SDK1: variants seen among roughly 807,000 people sequenced by gnomAD.
The protein encoded by SDK1 is protein sidekick-1.
A neutral mutation model predicts 245.5 loss-of-function variants in SDK1; 157 were observed. That is an observed-to-expected ratio of 0.64 (90% confidence interval 0.56 to 0.73). The LOEUF is 0.73. Ranked by LOEUF, SDK1 falls within the 30% of genes least tolerant of loss-of-function variation. The pLI, the probability that SDK1 is intolerant of heterozygous loss-of-function variation, is 0.00. For synonymous variants in SDK1, 1,647 were observed against 1,278.5 expected (o/e 1.29, Z -6.15); for missense variants, 3,583 against 3,002.3 (o/e 1.19, Z -4.52).
chr7:4,066,698 C>T (rs1779924718), intron 19 of SDK1, among the ~76,000 whole-genome samples: 1 of 152,184 alleles, frequency 6.6e-6, no homozygotes, highest in South Asian at 2.1e-4. Context: ...GCTATGGGAA[C>T]ACTAAAAGGC....
intron 17 of SDK1, among the ~76,000 whole-genome samples, chr7:4,039,116 C>T (rs1192395347): frequency 1.2e-4 from 17 of 145,560 alleles, no homozygotes; most frequent in Non-Finnish European, 3.0e-5. Flanking sequence ...AACACATGGA[C>T]ACAGGAAGGG....
intron 5 of SDK1, among the ~76,000 whole-genome samples, chr7:3,872,152 T>A (rs936397235): frequency 6.6e-6 from 1 of 152,224 alleles, no homozygotes; most frequent in Non-Finnish European, 1.5e-5. Flanking sequence ...GGTAATAATA[T>A]GTTATTCTTT....
chr7:3,967,080 C>T lies in SDK1; in HGVS notation c.1430-238C>T, dbSNP rs115911426. Among the ~76,000 whole-genome samples, 1,021 of 152,342 alleles carry T rather than the reference C, an allele frequency of 6.7e-3. 9 individuals carry two copies. Among genetic ancestry groups the T allele is most frequent in the African/African-American group, 0.023 (947 of 41,570 alleles). On this transcript the variant is annotated intron_variant, in intron 9 of 44. Transcript: ENST00000404826. ...TTCTTCCTGGGCCCCTGCACGTTTC[C>T]ACTTGTGTATCTATTACATCGTGAC...
At chr7:3,785,157 CA>C (rs1199636208) in intron 4 of SDK1, among the ~76,000 whole-genome samples, 3 of 152,004 alleles carry the variant, frequency 2.0e-5, no homozygotes, top group Non-Finnish European at 2.9e-5. Context: ...AACAATAACT[CA>C]TAGCAGCAGA....
At chr7:4,235,803 A>T (rs1036405309) in intron 41 of SDK1, among the ~76,000 whole-genome samples, 1 of 152,182 alleles carries the variant, frequency 6.6e-6, no homozygotes, top group African/African-American at 2.4e-5. Flanking sequence ...TCAGTCCTTC[A>T]GGGAAGCCAG....
At chr7:3,744,564 C>A (rs1418664707) in intron 4 of SDK1, among the ~76,000 whole-genome samples, 1 of 152,164 alleles carries the variant, frequency 6.6e-6, no homozygotes, top group Non-Finnish European at 1.5e-5. Context: ...GTAATCCCAG[C>A]ACTTTGGGAG....
At chr7:3,781,924 C>CT (rs1265167894) in intron 4 of SDK1, among the ~76,000 whole-genome samples, 1 of 152,132 alleles carries the variant, frequency 6.6e-6, no homozygotes, top group African/African-American at 2.4e-5. Flanking sequence ...GTTATGAACA[C>CT]TGTCAAGAGA....
At chr7:3,611,819 A>G (rs1781603335) in intron 1 of SDK1, among the ~76,000 whole-genome samples, 1 of 152,206 alleles carries the variant, frequency 6.6e-6, no homozygotes, top group Non-Finnish European at 1.5e-5. Context: ...GAAAAAATCA[A>G]AAAATAATAG....
At chr7:3,559,828 T>C (rs1259240187) in intron 1 of SDK1, among the ~76,000 whole-genome samples, 1 of 152,046 alleles carries the variant, frequency 6.6e-6, no homozygotes, top group Admixed American at 6.5e-5. Flanking sequence ...GTGTAAATTG[T>C]AGATTATAGA....
intron 4 of SDK1, among the ~76,000 whole-genome samples, chr7:3,778,575 C>A (rs1370307619): frequency 6.6e-6 from 1 of 152,208 alleles, no homozygotes; most frequent in Non-Finnish European, 1.5e-5. Context: ...TTTACACTGA[C>A]AGCATAAGTG....
intron 1 of SDK1, among the ~76,000 whole-genome samples, chr7:3,534,423 A>G (rs943643094): frequency 2.0e-5 from 3 of 152,142 alleles, no homozygotes; most frequent in African/African-American, 7.2e-5. Context: ...GCTGGATCAT[A>G]TAGTAATTAT....
Position 3,383,622 on chromosome 7 carries a change from A to C in SDK1, c.298+81738A>C, listed in dbSNP as rs1232581883. ...CTGGATGGTCTTGATATTTTCGTGTAACTTTTAGTTCAGGTACAAGAATTC... is the reference window on the plus strand; with the variant it reads ...CTGGATGGTCTTGATATTTTCGTGTCACTTTTAGTTCAGGTACAAGAATTC... On this transcript the variant is annotated intron_variant, in intron 1 of 44. Coordinates refer to ENST00000404826, the MANE Select transcript of SDK1 (RefSeq NM_152744.4). Among the ~76,000 whole-genome samples the C allele has an allele frequency of 2.0e-5, 3 of 152,152 alleles. No individual in the cohort carries two copies. In the East Asian group the frequency reaches 5.8e-4, roughly 29 times the overall value.
At chr7:3,583,028 G>A (rs781483342) in intron 1 of SDK1, among the ~76,000 whole-genome samples, 4 of 152,184 alleles carry the variant, frequency 2.6e-5, no homozygotes, top group Admixed American at 2.6e-4. Flanking sequence ...CTGTGACCCA[G>A]GTCTAGTCCT....
At chr7:4,179,752 G>C (rs1782481463) in intron 35 of SDK1, among the ~76,000 whole-genome samples, 1 of 151,934 alleles carries the variant, frequency 6.6e-6, no homozygotes, top group African/African-American at 2.4e-5. Flanking sequence ...GGGGTGCCAG[G>C]GTGCCGTCAG....
At chr7:3,302,343 C>T (rs1262342053) in intron 1 of SDK1, 6 of 152,082 alleles carry the variant, frequency 3.9e-5, no homozygotes, top group Admixed American at 3.9e-4. Context: ...AGGGCCTCGT[C>T]CTCTCCCCAG....
At chr7:4,153,976 C>G (rs947376420) in intron 30 of SDK1, among the ~76,000 whole-genome samples, 1 of 152,104 alleles carries the variant, frequency 6.6e-6, no homozygotes, top group Non-Finnish European at 1.5e-5. Context: ...CTAACATGCC[C>G]GGCCAATAGT....
chr7:3,755,341 C>G (rs545548001), intron 4 of SDK1, among the ~76,000 whole-genome samples: 31 of 152,186 alleles, frequency 2.0e-4, no homozygotes, highest in Admixed American at 3.9e-4. Flanking sequence ...GCTGACTGTT[C>G]GGTGCCCATG....
chr7:3,703,013 A>G (rs570173610), intron 4 of SDK1, among the ~76,000 whole-genome samples: 1 of 149,664 alleles, frequency 6.7e-6, no homozygotes, highest in Non-Finnish European at 1.5e-5. Context: ...TCTAGAAAAT[A>G]TTGGAAAATA....
chr7:3,514,200 C>T (rs201340970), intron 1 of SDK1, among the ~76,000 whole-genome samples: 3 of 152,158 alleles, frequency 2.0e-5, no homozygotes, highest in African/African-American at 7.2e-5. Context: ...TACTCTAAAT[C>T]TCCAGTCTGA....
Sources: gnomAD v4.1 joint callset for allele counts (sites outside exome capture counted in the v4.1 genomes callset) on GRCh38, gnomAD v4.1.1 for gene constraint, MANE v1.5 for transcripts, NCBI Gene and HGNC (gene_info 2026-07-23, HGNC 2026-07-21) for gene names.